RNF145: variants seen among roughly 807,000 people sequenced by gnomAD.
RNF145 encodes the protein ring finger protein 145.
Under a neutral mutation model 57.3 loss-of-function variants are expected in RNF145, and 12 were observed. The ratio of observed to expected loss-of-function variants is 0.21; its 90% CI spans 0.13 to 0.34. The LOEUF (loss-of-function observed/expected upper bound fraction) is 0.34. Among genes scored for constraint, RNF145 ranks in the 10% least tolerant of loss-of-function variants. RNF145 has a pLI of 1.00. For synonymous variants in RNF145, 262 were observed against 288.3 expected (o/e 0.91, Z 0.92); for missense variants, 429 against 799.0 (o/e 0.54, Z 5.58).
chr5:159,197,617 A>C (rs756749621), intron 2 of RNF145, among the ~76,000 whole-genome samples: 5 of 152,244 alleles, frequency 3.3e-5, no homozygotes, highest in Non-Finnish European at 7.3e-5. Context: ...CGATGTATAT[A>C]TAATCTAACA....
chr5:159,165,861 T>C (rs1486231437), intron 8 of RNF145, among the ~76,000 whole-genome samples: 1 of 152,264 alleles, frequency 6.6e-6, no homozygotes, highest in Non-Finnish European at 1.5e-5. Context: ...TTTTATCATC[T>C]ACTTTCTTGT....
intron 3 of RNF145, among the ~76,000 whole-genome samples, chr5:159,182,728 A>G (rs1011841195): frequency 1.3e-5 from 2 of 152,140 alleles, no homozygotes; most frequent in Non-Finnish European, 2.9e-5. Flanking sequence ...GCCTTTACAC[A>G]CTCAGAAAAC....
At chr5:159,170,818 C>T (rs529037858) in intron 6 of RNF145, among the ~76,000 whole-genome samples, 1 of 152,320 alleles carries the variant, frequency 6.6e-6, no homozygotes, top group African/African-American at 2.4e-5. Flanking sequence ...CTAAAACTTT[C>T]TGCCTCAAGC....
intron 3 of RNF145, among the ~76,000 whole-genome samples, chr5:159,184,530 GAA>G (rs1378712229): frequency 1.3e-5 from 2 of 152,124 alleles, no homozygotes; most frequent in African/African-American, 4.8e-5. Flanking sequence ...AGTGCTGTAA[GAA>G]AAAATACAGA....
rs758329344 is a variant in RNF145, at chr5:159,157,465, A to G, written c.*1205T>C. On this transcript the variant is annotated 3_prime_UTR_variant, in exon 11 of 11. Transcript: ENST00000424310. ...CAGCTATGTCTGTCAGTCTACATCCAAATTTGCTACTAAAAATAAAATAAA... is the reference window on the plus strand; with the variant it reads ...CAGCTATGTCTGTCAGTCTACATCCGAATTTGCTACTAAAAATAAAATAAA... 5 of 152,794 alleles carry G rather than the reference A, an allele frequency of 3.3e-5. No individual in the cohort carries two copies. The highest frequency in any genetic ancestry group is 7.3e-5 in the Non-Finnish European group (5 of 68,042). The allele number at this position is 152,794 out of a possible 1,614,324, so 9.5% of individuals were successfully genotyped here.
intron 8 of RNF145, among the ~76,000 whole-genome samples, chr5:159,167,438 T>C (rs139557926): frequency 1.8e-3 from 280 of 152,338 alleles, no homozygotes; most frequent in African/African-American, 6.4e-3. Flanking sequence ...GATAGTTCAG[T>C]ATCCTGGGAA....
At chr5:159,195,684 T>C (rs760735175) in intron 2 of RNF145, among the ~76,000 whole-genome samples, 1 of 152,206 alleles carries the variant, frequency 6.6e-6, no homozygotes, top group Non-Finnish European at 1.5e-5. Context: ...CACTGGAAAT[T>C]TGGTTCCTAA....
chr5:159,205,119 A>G (rs1484613614), intron 1 of RNF145, among the ~76,000 whole-genome samples: 2 of 152,154 alleles, frequency 1.3e-5, no homozygotes, highest in Non-Finnish European at 2.9e-5. Flanking sequence ...TTGGCACACT[A>G]TCAATAAAAG....
At position 159,208,064 on chromosome 5, in the gene RNF145, G is replaced by C. The variant is rs190192591; in HGVS notation, c.-40+1167C>G. The C allele has an allele frequency of 2.4e-4, 358 of 1,493,386 alleles. 1 individual carries two copies. Among genetic ancestry groups the C allele is most frequent in the Middle Eastern group, 2.4e-3 (10 of 4,186 alleles). 92.5% of individuals were successfully genotyped at this position (1,493,386 alleles called of 1,614,324 possible). On this transcript the variant is annotated intron_variant, in intron 1 of 10. Transcript: ENST00000424310. Reference sequence around the variant, plus strand: ...TCTTTACTGCAGACTGCGACGCAAGGCCATCCACTAATCTTTGATGCCTGC... The same window carrying C: ...TCTTTACTGCAGACTGCGACGCAAGCCCATCCACTAATCTTTGATGCCTGC...
intron 3 of RNF145, among the ~76,000 whole-genome samples, chr5:159,194,419 G>A (rs774465399): frequency 4.6e-5 from 7 of 152,078 alleles, no homozygotes; most frequent in Non-Finnish European, 5.9e-5. Flanking sequence ...TGATCCACCC[G>A]CCTCCCAAAG....
rs1304772138 is a variant in RNF145 at position 159,194,708 on chromosome 5, A to G, written c.293+8T>C. 12 of 1,547,644 alleles carry G rather than the reference A, an allele frequency of 7.8e-6. No homozygotes were observed. The Admixed American group carries it at 2.1e-4, about 27-fold the overall frequency. On this transcript the variant is annotated splice_region_variant and intron_variant, in intron 3 of 10. Transcript: ENST00000424310. ...TCATACATTTCAAAAATGGGGTCAT[A>G]TTCTTACCTGGAAATTTGATGTCCA...
chr5:159,176,152 AC>A (rs762835691), intron 5 of RNF145, among the ~76,000 whole-genome samples: 1 of 152,176 alleles, frequency 6.6e-6, no homozygotes, highest in Non-Finnish European at 1.5e-5. Flanking sequence ...AAGGGAAGAA[AC>A]TATAGTCACA....
rs1784110758 is a variant in RNF145 at position 159,158,472 on chromosome 5, T to C, written c.*198A>G. On this transcript the variant is annotated 3_prime_UTR_variant, in exon 11 of 11. Coordinates refer to ENST00000424310, the MANE Select transcript of RNF145 (RefSeq NM_001199383.2). ...ACATATAAATACATTTTGATTAGCA[T>C]ACATTGCAAAATTTCTCCCACAATG... The C allele has an allele frequency of 3.2e-6, 2 of 629,660 alleles. No homozygotes were observed. The highest frequency in any genetic ancestry group is 5.4e-6 in the Non-Finnish European group (2 of 367,662). The allele number at this position is 629,660 out of a possible 1,614,324, so 39.0% of individuals were successfully genotyped here.
intron 3 of RNF145, among the ~76,000 whole-genome samples, chr5:159,183,482 C>G (rs1009120236): frequency 6.6e-6 from 1 of 152,064 alleles, no homozygotes; most frequent in African/African-American, 2.4e-5. Flanking sequence ...ACCCTGTTTT[C>G]ATGTAGAAAG....
chr5:159,160,854 A>G (rs564989005), intron 10 of RNF145, among the ~76,000 whole-genome samples: 12 of 152,318 alleles, frequency 7.9e-5, no homozygotes, highest in Admixed American at 2.0e-4. Flanking sequence ...TGTTAGGTAC[A>G]TGAATATTTC....
chr5:159,182,038 T>G lies in RNF145; in HGVS notation c.307A>C (p.Ser103Arg). Residue 103 changes from serine (S) to arginine (R), a missense_variant, in exon 4 of 11, where the codon AGT becomes CGT. Ser to Arg is a moderately radical substitution (Grantham distance 110). This residue lies in a region of RNF145 where 109 missense variants were observed against 207.2 expected (regional missense o/e 0.53). Transcript: ENST00000424310. The part of the protein sequence containing the change: ...GHQISRDYVR[S>R]ELEFAYEGPM... ...CCCTCATAGGCAAACTCCAGTTCAC[T>G]CCGAACATAGTCCCTAAATAAGAAA... 1 of 1,601,918 alleles carries G rather than the reference T, an allele frequency of 6.2e-7. No individual in the cohort carries two copies. Among genetic ancestry groups the G allele is most frequent in the East Asian group, 2.2e-5 (1 of 44,712 alleles).
chr5:159,185,440 AC>A (rs1785026186), intron 3 of RNF145, among the ~76,000 whole-genome samples: 1 of 152,250 alleles, frequency 6.6e-6, no homozygotes, highest in South Asian at 2.1e-4. Flanking sequence ...TTACTTATGC[AC>A]AAATTCCAGG....
At chr5:159,207,099 T>C (rs1785914859) in intron 1 of RNF145, among the ~76,000 whole-genome samples, 1 of 152,190 alleles carries the variant, frequency 6.6e-6, no homozygotes, top group African/African-American at 2.4e-5. Context: ...AACAGTAATG[T>C]CTTGTAGAAG....
At chr5:159,176,193 G>A (rs920760013) in intron 5 of RNF145, among the ~76,000 whole-genome samples, 10 of 152,018 alleles carry the variant, frequency 6.6e-5, no homozygotes, top group Non-Finnish European at 1.3e-4. Flanking sequence ...GAAAAAGCAG[G>A]ATTTGACTTA....
Sources: gnomAD v4.1 joint callset for allele counts (sites outside exome capture counted in the v4.1 genomes callset) on GRCh38, gnomAD v4.1.1 for gene constraint, gnomAD v4.1.1 regional missense constraint, MANE v1.5 for transcripts, NCBI Gene and HGNC (gene_info 2026-07-23, HGNC 2026-07-21) for gene names.